Variants in FAM222A observed in about 807,000 individuals in gnomAD.
FAM222A encodes the protein protein FAM222A.
FAM222A carries 7 observed loss-of-function variants against 25.8 expected under a neutral mutation model. The ratio of observed to expected loss-of-function variants is 0.27; its 90% CI spans 0.15 to 0.51. The LOEUF is 0.51. Ranked by LOEUF, FAM222A falls within the 20% of genes least tolerant of loss-of-function variation. The probability of loss-of-function intolerance (pLI) is 0.97; values close to 1 mark genes in which losing one functional copy is unlikely to be tolerated. For synonymous variants in FAM222A, 294 were observed against 298.8 expected (o/e 0.98, Z 0.17); for missense variants, 573 against 640.5 (o/e 0.89, Z 1.14).
At chr12:109,737,895 G>C (rs537952606) in intron 1 of FAM222A, among the ~76,000 whole-genome samples, 1 of 152,170 alleles carries the variant, frequency 6.6e-6, no homozygotes, top group Non-Finnish European at 1.5e-5. Flanking sequence ...GAACAGAGAT[G>C]GGGGAGGGAG....
intron 2 of FAM222A, among the ~76,000 whole-genome samples, chr12:109,764,421 C>G (rs547709757): frequency 6.6e-6 from 1 of 151,876 alleles, no homozygotes; most frequent in Non-Finnish European, 1.5e-5. Flanking sequence ...TTTTTTTCTT[C>G]TTCTTCTTAA....
intron 1 of FAM222A, among the ~76,000 whole-genome samples, chr12:109,742,423 C>T (rs1245824040): frequency 6.6e-6 from 1 of 152,250 alleles, no homozygotes; most frequent in Non-Finnish European, 1.5e-5. Context: ...AGCCCCACTT[C>T]ATTCCCTTTT....
intron 1 of FAM222A, among the ~76,000 whole-genome samples, chr12:109,720,551 G>A (rs1887728796): frequency 2.0e-5 from 3 of 152,372 alleles, no homozygotes; most frequent in African/African-American, 7.2e-5. Context: ...CTTCATCTGT[G>A]ATGGGCCAAG....
intron 2 of FAM222A, among the ~76,000 whole-genome samples, chr12:109,747,882 T>C (rs1313917148): frequency 6.6e-6 from 1 of 152,248 alleles, no homozygotes; most frequent in African/African-American, 2.4e-5. Flanking sequence ...CCCTATTTTG[T>C]TTTATACCTT....
At chr12:109,715,116 C>T (rs1887618168) in intron 1 of FAM222A, among the ~76,000 whole-genome samples, 2 of 151,830 alleles carry the variant, frequency 1.3e-5, no homozygotes, top group Non-Finnish European at 2.9e-5. Context: ...GGACCCTGGG[C>T]GGGTTGGTTG....
chr12:109,768,679 G>A lies in FAM222A; in HGVS notation c.750G>A (p.Leu250=). ...PSMAYSAAAG[L]PDCRKGTELG... is the part of the protein sequence containing the mutation. Reference sequence around the variant, plus strand: ...TGGCCTACTCGGCTGCAGCCGGTCTGCCCGACTGCCGGAAAGGCACTGAGC... The same window carrying A: ...TGGCCTACTCGGCTGCAGCCGGTCTACCCGACTGCCGGAAAGGCACTGAGC... The change falls in exon 3 of 3, where the codon CTG becomes CTA. Residue 250 remains leucine (L), a synonymous_variant. Coordinates refer to ENST00000538780, the MANE Select transcript of FAM222A (RefSeq NM_032829.3). The A allele has an allele frequency of 1.3e-6, 2 of 1,591,662 alleles. No individual in the cohort carries two copies. Among genetic ancestry groups the A allele is most frequent in the East Asian group, 4.5e-5 (2 of 44,372 alleles).
intron 2 of FAM222A, among the ~76,000 whole-genome samples, chr12:109,760,870 G>A (rs962338729): frequency 3.3e-5 from 5 of 152,172 alleles, no homozygotes; most frequent in Non-Finnish European, 5.9e-5. Context: ...CAGGTGGCCA[G>A]GGCCTTGAAT....
At chr12:109,730,406 C>CGGGG (rs56107932) in intron 1 of FAM222A, among the ~76,000 whole-genome samples, 1 of 119,908 alleles carries the variant, frequency 8.3e-6, no homozygotes. Context: ...GCCTGGGGGG[C>CGGGG]GGGGGGGGGG....
chr12:109,714,004 C>CCCCGGGAGCCCCCGCGCGCCG lies in FAM222A; in HGVS notation c.-933_-913dup, dbSNP rs1695300497. On this transcript the variant is annotated 5_prime_UTR_variant, in exon 1 of 3. Coordinates refer to ENST00000538780, the MANE Select transcript of FAM222A (RefSeq NM_032829.3). This position sits in a 1 kb window ranked among gnomAD's most constrained non-coding sequence, Gnocchi z 4.2. ...CGCGCCAGACGGCGCGAGGCTGCGG[C>CCCCGGGAGCCCCCGCGCGCCG]CCCGGGAGCCCCCGCGCGCCGCCCG... 1.4e-5 allele frequency among the ~76,000 whole-genome samples: 2 copies of CCCCGGGAGCCCCCGCGCGCCG among 147,142 alleles called. No individual in the cohort carries two copies. Among genetic ancestry groups the CCCCGGGAGCCCCCGCGCGCCG allele is most frequent in the South Asian group, 4.2e-4 (2 of 4,818 alleles).
At chr12:109,765,144 C>T (rs2136385671) in intron 2 of FAM222A, among the ~76,000 whole-genome samples, 1 of 152,382 alleles carries the variant, frequency 6.6e-6, no homozygotes, top group South Asian at 2.1e-4. Flanking sequence ...CCTTACCCTG[C>T]TTAAAACCTC....
intron 2 of FAM222A, among the ~76,000 whole-genome samples, chr12:109,755,848 G>A (rs969721762): frequency 3.9e-5 from 6 of 152,212 alleles, no homozygotes; most frequent in Non-Finnish European, 8.8e-5. Context: ...CTTTATGCCA[G>A]TACCACATTG....
chr12:109,740,967 A>T (rs1888224993), intron 1 of FAM222A, among the ~76,000 whole-genome samples: 1 of 152,144 alleles, frequency 6.6e-6, no homozygotes, highest in African/African-American at 2.4e-5. Flanking sequence ...GCAGGGGCAG[A>T]GGTCTGGAGG....
chr12:109,726,050 G>A (rs528813240), intron 1 of FAM222A, among the ~76,000 whole-genome samples: 73 of 151,378 alleles, frequency 4.8e-4, no homozygotes, highest in Non-Finnish European at 6.0e-4. Flanking sequence ...CTGCTGGCCT[G>A]GGCCTCCTGC....
At chr12:109,756,858 T>TA (rs750602646) in intron 2 of FAM222A, among the ~76,000 whole-genome samples, 113 of 152,360 alleles carry the variant, frequency 7.4e-4, no homozygotes, top group South Asian at 3.3e-3. Context: ...ATACTGGCCT[T>TA]ACAGAATTCA....
chr12:109,728,172 G>A (rs1446466222), intron 1 of FAM222A, among the ~76,000 whole-genome samples: 1 of 152,180 alleles, frequency 6.6e-6, no homozygotes, highest in Non-Finnish European at 1.5e-5. Context: ...GGGAGGGGAA[G>A]AATATGAGCT....
intron 2 of FAM222A, among the ~76,000 whole-genome samples, chr12:109,766,100 C>T (rs1279202708): frequency 2.0e-5 from 3 of 152,220 alleles, no homozygotes; most frequent in Non-Finnish European, 2.9e-5. Context: ...GAGCCCCCGG[C>T]GCCTCCATTC....
At chr12:109,753,559 C>CGG (rs200302927) in intron 2 of FAM222A, among the ~76,000 whole-genome samples, 2 of 150,240 alleles carry the variant, frequency 1.3e-5, no homozygotes, top group African/African-American at 4.9e-5. Flanking sequence ...CCCCCCATCC[C>CGG]GGGGGGGGGA....
chr12:109,765,011 C>T (rs566076038), intron 2 of FAM222A, among the ~76,000 whole-genome samples: 5 of 152,198 alleles, frequency 3.3e-5, no homozygotes, highest in South Asian at 4.2e-4. Flanking sequence ...GCCAGATGAA[C>T]GGAGAGCCAC....
At chr12:109,740,472 G>T in intron 1 of FAM222A, among the ~76,000 whole-genome samples, 1 of 152,202 alleles carries the variant, frequency 6.6e-6, no homozygotes, top group East Asian at 1.9e-4. Context: ...CCTGGATGGT[G>T]CTTGGCCAGG....
Sources: gnomAD v4.1 joint callset for allele counts (sites outside exome capture counted in the v4.1 genomes callset) on GRCh38, gnomAD v4.1.1 for gene constraint, Gnocchi (gnomAD v3.1) non-coding constraint, MANE v1.5 for transcripts, NCBI Gene and HGNC (gene_info 2026-07-23, HGNC 2026-07-21) for gene names.